TP73: variants seen among roughly 807,000 people sequenced by gnomAD.
The protein encoded by TP73 is tumor protein p73.
Under a neutral mutation model 62.5 loss-of-function variants are expected in TP73, and 25 were observed. The ratio of observed to expected loss-of-function variants is 0.40; its 90% CI spans 0.29 to 0.56. The LOEUF (loss-of-function observed/expected upper bound fraction) is 0.56, where lower values mean the gene tolerates loss of function less well. TP73 is among the 20% of genes least tolerant of loss of function. TP73 has a pLI of 0.46. For missense variants in TP73, 754 were observed against 913.3 expected (o/e 0.83, Z 2.25); for synonymous variants, 423 against 377.5 (o/e 1.12, Z -1.40).
At chr1:3,684,224 G>T (rs1570435112) in intron 3 of TP73, among the ~76,000 whole-genome samples, 3 of 152,206 alleles carry the variant, frequency 2.0e-5, no homozygotes, top group Admixed American at 2.0e-4. Flanking sequence ...TGGCTGCCCC[G>T]CCCCGCCTCC....
intron 1 of TP73, among the ~76,000 whole-genome samples, chr1:3,681,222 C>A (rs946636094): frequency 6.6e-6 from 1 of 152,234 alleles, no homozygotes; most frequent in Non-Finnish European, 1.5e-5. Context: ...CCCCGCTGGC[C>A]GTGGGCAGGT....
At chr1:3,719,890 T>TTGTG (rs5772122) in intron 4 of TP73, among the ~76,000 whole-genome samples, 16,259 of 132,010 alleles carry the variant, frequency 0.12, 1,146 homozygotes, top group Admixed American at 0.21. Flanking sequence ...TTTTTTCTCT[T>TTGTG]TGTGTGTGTG....
At chr1:3,727,289 G>A (rs1641728708) in intron 7 of TP73, 65 bp downstream of exon 7, 4 of 1,479,164 alleles carry the variant, frequency 2.7e-6, no homozygotes, top group Non-Finnish European at 3.7e-6. Context: ...GGGGAGAAGG[G>A]GAGCTGTCAT....
rs372189156 is a variant in TP73, at chr1:3,707,691, C to T, written c.329C>T (p.Ser110Leu). 110 of 1,613,170 alleles carry T rather than the reference C, an allele frequency of 6.8e-5. No homozygotes were observed. The highest frequency in any genetic ancestry group is 1.2e-4 in the South Asian group (11 of 91,088). Residue 110 changes from serine to leucine, a missense_variant, in exon 4 of 14, where the codon TCG (serine) becomes TTG (leucine). Physicochemically the swap from Ser to Leu is moderately radical, Grantham distance 145. Around this residue, in one of 3 missense-constraint regions of TP73, gnomAD observed 235 missense variants for 251.4 expected, o/e 0.93. Coordinates refer to ENST00000378295, the MANE Select transcript of TP73 (RefSeq NM_005427.4). ...CCCAGCTCCACCTTCGACACCATGT[C>T]GCCGGCGCCTGTCATCCCCTCCAAC... ...AQPSSTFDTM[S>L]PAPVIPSNTD...
chr1:3,707,178 C>T (rs1171180764), intron 3 of TP73, among the ~76,000 whole-genome samples: 3 of 152,166 alleles, frequency 2.0e-5, no homozygotes, highest in Admixed American at 2.0e-4. Context: ...CCACTTTGAG[C>T]TGTGAGGTCC....
intron 3 of TP73, chr1:3,697,972 C>A (rs1304159459): frequency 5.4e-6 from 3 of 558,686 alleles, no homozygotes; most frequent in Non-Finnish European, 6.8e-6. Flanking sequence ...ACTGCCTCCC[C>A]CTCCCTGTAC....
At chr1:3,731,983 C>T (rs1415387620) in intron 13 of TP73, among the ~76,000 whole-genome samples, 1 of 152,264 alleles carries the variant, frequency 6.6e-6, no homozygotes, top group African/African-American at 2.4e-5. Flanking sequence ...CGAGGCCACA[C>T]AGCTCTTGGC....
chr1:3,698,258 A>AG (rs1000790583), intron 3 of TP73: 42 of 292,544 alleles, frequency 1.4e-4, no homozygotes, highest in African/African-American at 9.5e-4. Flanking sequence ...GGGTTCGGAG[A>AG]GGGGAGAGAA....
chr1:3,727,410 G>A (rs1009210970), intron 7 of TP73, 186 bp downstream of exon 7: 57 of 920,454 alleles, frequency 6.2e-5, no homozygotes, highest in Admixed American at 1.1e-4. Flanking sequence ...CTGGGCCTCC[G>A]GAGGGAGGTG....
chr1:3,653,870 T>G (rs1644810645), intron 1 of TP73, among the ~76,000 whole-genome samples: 1 of 152,174 alleles, frequency 6.6e-6, no homozygotes, highest in Non-Finnish European at 1.5e-5. Flanking sequence ...ATGTAGTTTT[T>G]AAAATAAGAT....
intron 1 of TP73, among the ~76,000 whole-genome samples, chr1:3,671,322 A>G (rs933080283): frequency 6.6e-6 from 1 of 152,002 alleles, no homozygotes; most frequent in East Asian, 1.9e-4. Flanking sequence ...GTGGTCCTGT[A>G]CCCTGTCCAG....
chr1:3,726,170 GGATA>G (rs1313252223), intron 6 of TP73, among the ~76,000 whole-genome samples: 5 of 131,242 alleles, frequency 3.8e-5, no homozygotes, highest in Non-Finnish European at 8.1e-5. Flanking sequence ...TTGGATGGAT[GGATA>G]GATAATAAAT....
In TP73 at chr1:3,661,093, A is replaced by G. The variant is rs140908635; in HGVS notation, c.-34+8452A>G. Among the ~76,000 whole-genome samples the G allele has an allele frequency of 3.3e-3, 504 of 152,310 alleles. 3 individuals are homozygous for G. The highest frequency in any genetic ancestry group is 0.011 in the African/African-American group (445 of 41,558). Reference sequence around the variant, plus strand: ...CAAATTTAGTTGATCAAATAAGCCCAATTTATTTAATATCTTTTTATTTTA... The same window carrying G: ...CAAATTTAGTTGATCAAATAAGCCCGATTTATTTAATATCTTTTTATTTTA... On this transcript the variant is annotated intron_variant, in intron 1 of 13. Transcript: ENST00000378295.
intron 9 of TP73, among the ~76,000 whole-genome samples, chr1:3,728,514 A>G (rs1182237373): frequency 1.3e-5 from 2 of 152,246 alleles, no homozygotes; most frequent in Non-Finnish European, 2.9e-5. Context: ...CCACCAGGGT[A>G]GAAGTTCAGC....
Position 3,670,843 on chromosome 1 carries a change from G to A in TP73, c.-33-11490G>A, listed in dbSNP as rs1404245626. ...AAACCAAATCATGGATTCTGTCATC[G>A]CTTCTTCACGGAGCACCTACTGTGT... On this transcript the variant is annotated intron_variant, in intron 1 of 13. Transcript: ENST00000378295. This position sits in a 1 kb window ranked among gnomAD's most constrained non-coding sequence, Gnocchi z 5.9. Among the ~76,000 whole-genome samples the A allele has an allele frequency of 1.3e-5, 2 of 152,144 alleles. No homozygotes were observed. The highest frequency in any genetic ancestry group is 2.4e-5 in the African/African-American group (1 of 41,412).
At chr1:3,721,023 G>C (rs943372018) in intron 4 of TP73, among the ~76,000 whole-genome samples, 1 of 152,244 alleles carries the variant, frequency 6.6e-6, no homozygotes, top group African/African-American at 2.4e-5. Context: ...CTGAGCCTGA[G>C]ACTGGGGATC....
chr1:3,713,574 T>C (rs1205323941), intron 4 of TP73, among the ~76,000 whole-genome samples: 2 of 152,144 alleles, frequency 1.3e-5, no homozygotes, highest in Non-Finnish European at 2.9e-5. Flanking sequence ...CAGTGGTCAC[T>C]TCTGGGATTT....
intron 12 of TP73, 134 bp from the exon 13 acceptor site, chr1:3,731,329 C>A (rs2124545989): frequency 9.9e-7 from 1 of 1,010,192 alleles, no homozygotes; most frequent in African/African-American, 1.6e-5. Flanking sequence ...ATGCCGTGGC[C>A]ACCTGTGGGC....
rs76902188 is a variant in TP73 at position 3,672,047 on chromosome 1, G to A, written c.-33-10286G>A. ...AGTTGACAGCTGTCTGGAAGGGCAC[G>A]TCTGCTCAGACCGCAGGGTAGGGAG... On this transcript the variant is annotated intron_variant, in intron 1 of 13. Coordinates refer to ENST00000378295, the MANE Select transcript of TP73 (RefSeq NM_005427.4). The surrounding 1 kb of genome is among the most constrained non-coding windows in gnomAD (Gnocchi z 5.3). 1.4e-3 allele frequency among the ~76,000 whole-genome samples: 212 copies of A among 152,292 alleles called. No homozygotes were observed. Among genetic ancestry groups the A allele is most frequent in the African/African-American group, 4.8e-3 (199 of 41,556 alleles).
Sources: gnomAD v4.1 joint callset for allele counts (sites outside exome capture counted in the v4.1 genomes callset) on GRCh38, gnomAD v4.1.1 for gene constraint, gnomAD v4.1.1 regional missense constraint, Gnocchi (gnomAD v3.1) non-coding constraint, MANE v1.5 for transcripts, NCBI Gene and HGNC (gene_info 2026-07-23, HGNC 2026-07-21) for gene names.